MRPL42: variants seen among roughly 807,000 people sequenced by gnomAD.
MRPL42 encodes the protein large ribosomal subunit protein mL42.
MRPL42 carries 17 observed loss-of-function variants against 17.9 expected under a neutral mutation model. The ratio of observed to expected loss-of-function variants is 0.95; its 90% CI spans 0.65 to 1.42. MRPL42 has a LOEUF of 1.42. MRPL42 is among the 40% of genes most tolerant of loss of function. The pLI is 0.00. For missense variants in MRPL42, 177 were observed against 175.2 expected, an observed-to-expected ratio of 1.01 and a Z score of -0.06; for synonymous variants, 59 against 54.4, an observed-to-expected ratio of 1.08 and a Z score of -0.37.
intron 2 of MRPL42, among the ~76,000 whole-genome samples, chr12:93,470,826 A>G (rs1396566227): frequency 6.6e-6 from 1 of 152,260 alleles, no homozygotes; most frequent in African/African-American, 2.4e-5. Context: ...AATCCATGGT[A>G]TGCATATACA....
rs552206050 is a variant in MRPL42 at position 93,482,311 on chromosome 12, G to A, written c.219+2839G>A. On this transcript the variant is annotated intron_variant, in intron 4 of 5. Coordinates refer to ENST00000549982, the MANE Select transcript of MRPL42 (RefSeq NM_014050.4). Reference sequence around the variant, plus strand: ...TACCTCTGCTCCTGCACTCCTTGTTGTCCTTTGATTTACTTTTCTCAACAG... The same window carrying A: ...TACCTCTGCTCCTGCACTCCTTGTTATCCTTTGATTTACTTTTCTCAACAG... Among the ~76,000 whole-genome samples, 10 of 152,208 alleles carry A rather than the reference G, an allele frequency of 6.6e-5. No individual in the cohort carries two copies. The South Asian group carries it at 1.9e-3, about 28-fold the overall frequency.
chr12:93,491,138 G>A (rs1396158678), intron 5 of MRPL42, among the ~76,000 whole-genome samples: 1 of 152,184 alleles, frequency 6.6e-6, no homozygotes, highest in Non-Finnish European at 1.5e-5. Context: ...TGATCCCACT[G>A]CCTTGGGCTC....
intron 2 of MRPL42, among the ~76,000 whole-genome samples, chr12:93,471,085 A>T (rs1027689549): frequency 6.6e-6 from 1 of 152,264 alleles, no homozygotes; most frequent in East Asian, 1.9e-4. Flanking sequence ...GCAATTTGTT[A>T]TGCTTGAGAC....
At chr12:93,500,534 T>C (rs1227605583) in intron 5 of MRPL42, among the ~76,000 whole-genome samples, 1 of 152,180 alleles carries the variant, frequency 6.6e-6, no homozygotes, top group Non-Finnish European at 1.5e-5. Flanking sequence ...AGTTTTATTT[T>C]ATATTAAAAC....
At chr12:93,468,557 C>T (rs1020106492) in intron 1 of MRPL42, among the ~76,000 whole-genome samples, 2 of 152,042 alleles carry the variant, frequency 1.3e-5, no homozygotes, top group African/African-American at 4.8e-5. Context: ...ATAAAGATAC[C>T]TCACATGATT....
In MRPL42 at chr12:93,508,266, A is replaced by G. The variant is rs1422200405; in HGVS notation, c.*7045A>G. The G allele has an allele frequency of 7.5e-6, 1 of 132,874 alleles. No homozygotes were observed. The highest frequency in any genetic ancestry group is 1.6e-5 in the Non-Finnish European group (1 of 62,140). The allele number at this position is 132,874 out of a possible 1,614,324, so 8.2% of individuals were successfully genotyped here. ...GGTCTTCTACAAAAAAATTTTAAAA[A>G]ATTAGCTGGGGGTGGGGAGGGTGGG... On this transcript the variant is annotated 3_prime_UTR_variant, in exon 6 of 6. Transcript: ENST00000549982.
intron 2 of MRPL42, chr12:93,470,456 C>A (rs1198063309): frequency 7.9e-7 from 1 of 1,272,510 alleles, no homozygotes; most frequent in South Asian, 1.3e-5. Flanking sequence ...ACTATGTGAG[C>A]CAACTTTTTA....
rs185782449 is a variant in MRPL42 at position 93,476,246 on chromosome 12, G to A, written c.71-708G>A. On this transcript the variant is annotated intron_variant, in intron 2 of 5. Transcript: ENST00000549982. ...CTCTTGCACAGGCTGGAGTGCAATA[G>A]CATGATCTCAGCTCACTGCAAACTC... Among the ~76,000 whole-genome samples the A allele has an allele frequency of 1.4e-4, 22 of 152,158 alleles. No individual in the cohort carries two copies. In the East Asian group the frequency reaches 3.9e-3, roughly 27 times the overall value.
At chr12:93,494,942 A>G (rs1453032026) in intron 5 of MRPL42, among the ~76,000 whole-genome samples, 2 of 152,246 alleles carry the variant, frequency 1.3e-5, no homozygotes, top group Non-Finnish European at 2.9e-5. Context: ...CTAGAGATAT[A>G]GTGATACAGG....
Position 93,490,388 on chromosome 12 carries a change from T to A in MRPL42, c.383+2728T>A, listed in dbSNP as rs1250997716. ...AATTGTAAAGTGACTTTAATTAGAT[T>A]ATCCCAATATATATCCTAATAAAGA... On this transcript the variant is annotated intron_variant, in intron 5 of 5. Coordinates refer to ENST00000549982, the MANE Select transcript of MRPL42 (RefSeq NM_014050.4). Among the ~76,000 whole-genome samples the A allele has an allele frequency of 7.2e-5, 11 of 152,212 alleles. No homozygotes were observed. In the East Asian group the frequency reaches 1.2e-3, roughly 16 times the overall value.
chr12:93,504,959 G>A lies in MRPL42; in HGVS notation c.*3738G>A, dbSNP rs1025243277. 4 of 152,110 alleles carry A rather than the reference G, an allele frequency of 2.6e-5. No individual in the cohort carries two copies. Among genetic ancestry groups the A allele is most frequent in the Admixed American group, 2.6e-4 (4 of 15,264 alleles). 9.4% of individuals were successfully genotyped at this position (152,110 alleles called of 1,614,324 possible). ...CATTGCTTCACAGGCATCTGAATAT[G>A]GTTTTATAAAATACATTGCTCTAGT... On this transcript the variant is annotated 3_prime_UTR_variant, in exon 6 of 6. Transcript: ENST00000549982.
chr12:93,513,616 AATTAT>A lies in MRPL42; in HGVS notation c.*12400_*12404del, dbSNP rs1275706892. On this transcript the variant is annotated 3_prime_UTR_variant, in exon 6 of 6. Coordinates refer to ENST00000549982, the MANE Select transcript of MRPL42 (RefSeq NM_014050.4). ...GAATGACAAAAAGTTGAGTTATAGA[AATTAT>A]ATTAATCTTAAATTCACATTTTCAG... 6.6e-6 allele frequency: 1 copy of A among 152,162 alleles called. No homozygotes were observed. Among genetic ancestry groups the A allele is most frequent in the African/African-American group, 2.4e-5 (1 of 41,440 alleles). 9.4% of individuals were successfully genotyped at this position (152,162 alleles called of 1,614,324 possible).
In MRPL42 at chr12:93,501,353, C is replaced by T; in HGVS notation, c.*132C>T. The T allele has an allele frequency of 2.0e-6, 1 of 510,762 alleles. No homozygotes were observed. Among genetic ancestry groups the T allele is most frequent in the Non-Finnish European group, 3.2e-6 (1 of 309,282 alleles). The allele number at this position is 510,762 out of a possible 1,614,324, so 31.6% of individuals were successfully genotyped here. The stretch of plus-strand genomic sequence containing the variant: ...ATCTTTTCATATATTAGAATGTGTA[C>T]TTTTATATAAAGTAATTCTGGATTT... On this transcript the variant is annotated 3_prime_UTR_variant, in exon 6 of 6. Transcript: ENST00000549982.
Position 93,487,537 on chromosome 12 carries a change from C to T in MRPL42, c.260C>T (p.Thr87Ile). ...RPDPVHNNEETHDQVLKTRLE... is the reference protein window; with the variant it reads ...RPDPVHNNEEIHDQVLKTRLE... The stretch of plus-strand genomic sequence containing the variant: ...GATCCTGTGCATAATAATGAAGAAA[C>T]ACATGATCAAGTGCTGAAAACCAGA... The change falls in exon 5 of 6, where the codon ACA becomes ATA. Residue 87 changes from threonine to isoleucine, a missense_variant. Coordinates refer to ENST00000549982, the MANE Select transcript of MRPL42 (RefSeq NM_014050.4). 1 of 1,613,864 alleles carries T rather than the reference C, an allele frequency of 6.2e-7. No homozygotes were observed. The highest frequency in any genetic ancestry group is 8.5e-7 in the Non-Finnish European group (1 of 1,179,852).
chr12:93,478,692 C>G (rs1044937988), intron 3 of MRPL42, among the ~76,000 whole-genome samples: 8 of 152,158 alleles, frequency 5.3e-5, no homozygotes, highest in African/African-American at 1.9e-4. Context: ...AATCGTTTGA[C>G]AGATTAAATG....
chr12:93,507,844 ACT>A lies in MRPL42; in HGVS notation c.*6625_*6626del, dbSNP rs1376937144. On this transcript the variant is annotated 3_prime_UTR_variant, in exon 6 of 6. Transcript: ENST00000549982. ...TATGAGATTGGGGCTGGGCATGATG[ACT>A]CACACCTGTAATCCCAGCACTTTGG... 1 of 152,334 alleles carries A rather than the reference ACT, an allele frequency of 6.6e-6. No individual in the cohort carries two copies. The highest frequency in any genetic ancestry group is 1.5e-5 in the Non-Finnish European group (1 of 68,262). 9.4% of individuals were successfully genotyped at this position (152,334 alleles called of 1,614,324 possible). A position where few individuals can be genotyped will look rare whatever the true frequency, so the allele number is the denominator to read the frequency against.
At chr12:93,494,429 G>T (rs1953458023) in intron 5 of MRPL42, among the ~76,000 whole-genome samples, 1 of 152,196 alleles carries the variant, frequency 6.6e-6, no homozygotes, top group African/African-American at 2.4e-5. Flanking sequence ...TTCGCTAATA[G>T]ACCAGATGTT....
At chr12:93,472,911 C>T (rs892375766) in intron 2 of MRPL42, among the ~76,000 whole-genome samples, 3 of 152,142 alleles carry the variant, frequency 2.0e-5, no homozygotes, top group African/African-American at 7.2e-5. Flanking sequence ...CATAAGTTCA[C>T]CCAGGGTCAC....
chr12:93,505,707 T>C lies in MRPL42; in HGVS notation c.*4486T>C, dbSNP rs535096014. On this transcript the variant is annotated 3_prime_UTR_variant, in exon 6 of 6. Transcript: ENST00000549982. ...CAATATGTAATGTGCTTTCTAGTTTTGCACAAAGGCATTCATTTTGATTTA... is the reference window on the plus strand; with the variant it reads ...CAATATGTAATGTGCTTTCTAGTTTCGCACAAAGGCATTCATTTTGATTTA... 3 of 152,328 alleles carry C rather than the reference T, an allele frequency of 2.0e-5. No individual in the cohort carries two copies. In the East Asian group the frequency reaches 5.8e-4, roughly 29 times the overall value. The allele number at this position is 152,328 out of a possible 1,614,324, so 9.4% of individuals were successfully genotyped here.
Sources: allele counts gnomAD v4.1 joint callset (sites outside exome capture counted in the v4.1 genomes callset), GRCh38; gene constraint gnomAD v4.1.1; transcripts MANE v1.5; gene names NCBI Gene and HGNC (gene_info 2026-07-23, HGNC 2026-07-21).